Variants in GPATCH2L observed in about 807,000 individuals in gnomAD.
GPATCH2L encodes G-patch domain containing 2 like, also known as G patch domain-containing protein 2-like.
Under a neutral mutation model 57.4 loss-of-function variants are expected in GPATCH2L, and 31 were observed. That is an observed-to-expected ratio of 0.54 (90% CI 0.41 to 0.73). GPATCH2L has a LOEUF of 0.73. GPATCH2L is among the 30% of genes least tolerant of loss of function. GPATCH2L has a pLI of 0.00. For synonymous variants in GPATCH2L, 199 were observed against 210.7 expected, an observed-to-expected ratio of 0.94 and a Z score of 0.48; for missense variants, 481 against 599.9, an observed-to-expected ratio of 0.80 and a Z score of 2.07.
intron 4 of GPATCH2L, 138 bp downstream of exon 4, chr14:76,172,157 GAGGAGTCAAAGTA>G (rs2039115915): frequency 2.0e-6 from 1 of 506,800 alleles, no homozygotes; most frequent in Admixed American, 3.9e-5. Context: ...GGATTTTCTA[GAGGAGTCAAAGTA>G]AGTCTCAAAG....
chr14:76,191,158 G>T (rs1231506443), intron 8 of GPATCH2L, among the ~76,000 whole-genome samples: 2 of 152,032 alleles, frequency 1.3e-5, no homozygotes, highest in Non-Finnish European at 2.9e-5. Flanking sequence ...TTGTGCTTTT[G>T]TCCCTCTTTT....
rs1264806514 is a variant in GPATCH2L, at chr14:76,213,672, G to C, written c.*11821G>C. The stretch of plus-strand genomic sequence containing the variant: ...AGAGCCCCCTCTTCACATTCTCAGG[G>C]GCTCTTGATCCAAAACCTTTTTTAA... On this transcript the variant is annotated 3_prime_UTR_variant, in exon 10 of 10. Coordinates refer to ENST00000261530, the MANE Select transcript of GPATCH2L (RefSeq NM_017926.4). 1.3e-5 allele frequency: 2 copies of C among 152,038 alleles called. No homozygotes were observed. The highest frequency in any genetic ancestry group is 4.8e-5 in the African/African-American group (2 of 41,396). The allele number at this position is 152,038 out of a possible 1,614,324, so 9.4% of individuals were successfully genotyped here. A position where few individuals can be genotyped will look rare whatever the true frequency, so the allele number is the denominator to read the frequency against.
In GPATCH2L at chr14:76,203,230, A is replaced by T. The variant is rs2040337796; in HGVS notation, c.*1379A>T. The T allele has an allele frequency of 6.6e-6, 1 of 152,200 alleles. No homozygotes were observed. Among genetic ancestry groups the T allele is most frequent in the Non-Finnish European group, 1.5e-5 (1 of 68,054 alleles). The allele number at this position is 152,200 out of a possible 1,614,324, so 9.4% of individuals were successfully genotyped here. ...ATCAATGGAAACTCCAGATTTCTTTATCAAAGGGAGGTGGGTGGGCATGAA... is the reference window on the plus strand; with the variant it reads ...ATCAATGGAAACTCCAGATTTCTTTTTCAAAGGGAGGTGGGTGGGCATGAA... On this transcript the variant is annotated 3_prime_UTR_variant, in exon 10 of 10. Coordinates refer to ENST00000261530, the MANE Select transcript of GPATCH2L (RefSeq NM_017926.4).
chr14:76,175,169 T>C (rs894302775), intron 5 of GPATCH2L: 1 of 152,186 alleles, frequency 6.6e-6, no homozygotes, highest in African/African-American at 2.4e-5. Context: ...TCAGCTCTTA[T>C]AAAATAAGAG....
rs2040442431 is a variant in GPATCH2L, at chr14:76,211,734, C to T, written c.*9883C>T. ...CCTTAGCAATCATTGATATTTTAAGCCTACAGGAAGTGCCCATGGGATAAA... is the reference window on the plus strand; with the variant it reads ...CCTTAGCAATCATTGATATTTTAAGTCTACAGGAAGTGCCCATGGGATAAA... On this transcript the variant is annotated 3_prime_UTR_variant, in exon 10 of 10. Transcript: ENST00000261530. The T allele has an allele frequency of 6.6e-6, 1 of 152,144 alleles. No homozygotes were observed. Among genetic ancestry groups the T allele is most frequent in the African/African-American group, 2.4e-5 (1 of 41,418 alleles). 9.4% of individuals were successfully genotyped at this position (152,144 alleles called of 1,614,324 possible). A position where few individuals can be genotyped will look rare whatever the true frequency, so the allele number is the denominator to read the frequency against.
At chr14:76,195,001 T>G (rs772776401) in intron 8 of GPATCH2L, among the ~76,000 whole-genome samples, 151 of 152,206 alleles carry the variant, frequency 9.9e-4, no homozygotes, top group Non-Finnish European at 9.3e-4. Flanking sequence ...CTTGTTTCAT[T>G]AGAGAAGCAA....
intron 1 of GPATCH2L, among the ~76,000 whole-genome samples, chr14:76,229,608 C>T (rs998137809): frequency 2.2e-4 from 33 of 152,110 alleles, no homozygotes; most frequent in Admixed American, 3.3e-4. Context: ...ATGGGCCCTG[C>T]GTAAGTGTCA....
chr14:76,229,988 T>C (rs567500804), intron 2 of GPATCH2L: 2 of 152,360 alleles, frequency 1.3e-5, no homozygotes, highest in East Asian at 1.9e-4. Flanking sequence ...ATGAGAGTTA[T>C]AGTCTATTGC....
intron 8 of GPATCH2L, among the ~76,000 whole-genome samples, chr14:76,189,296 G>A (rs1256066042): frequency 6.6e-6 from 1 of 152,090 alleles, no homozygotes; most frequent in African/African-American, 2.4e-5. Flanking sequence ...GGTTTGGCTA[G>A]TATGGACATT....
At chr14:76,165,547 T>C (rs1368469062) in intron 2 of GPATCH2L, among the ~76,000 whole-genome samples, 2 of 151,400 alleles carry the variant, frequency 1.3e-5, no homozygotes, top group African/African-American at 4.9e-5. Context: ...TGTATACCTG[T>C]GTAACAAACC....
Position 76,154,235 on chromosome 14 carries a change from A to G in GPATCH2L, c.-10-119A>G. 1 of 795,512 alleles carries G rather than the reference A, an allele frequency of 1.3e-6. No homozygotes were observed. The highest frequency in any genetic ancestry group is 2.0e-6 in the Non-Finnish European group (1 of 505,656). 49.3% of individuals were successfully genotyped at this position (795,512 alleles called of 1,614,324 possible). On this transcript the variant is annotated intron_variant, in intron 1 of 9. Transcript: ENST00000261530. This position sits in a 1 kb window ranked among gnomAD's most constrained non-coding sequence, Gnocchi z 4.4. The stretch of plus-strand genomic sequence containing the variant: ...TGACTTATTTTGTTTAGACAGGCAG[A>G]ACTGTGGACTACCATGATCTGTTTC...
At position 76,202,083 on chromosome 14, in the gene GPATCH2L, C is replaced by T; in HGVS notation, c.*232C>T. The T allele has an allele frequency of 2.4e-6, 1 of 411,072 alleles. No homozygotes were observed. Among genetic ancestry groups the T allele is most frequent in the Non-Finnish European group, 4.3e-6 (1 of 230,910 alleles). The allele number at this position is 411,072 out of a possible 1,614,324, so 25.5% of individuals were successfully genotyped here. A position where few individuals can be genotyped will look rare whatever the true frequency, so the allele number is the denominator to read the frequency against. On this transcript the variant is annotated 3_prime_UTR_variant, in exon 10 of 10. Transcript: ENST00000261530. ...AGCAATTTTTTACAAAAAGGTCATCCTCTGCTCTATTTGTTACCTTGTTAT... is the reference window on the plus strand; with the variant it reads ...AGCAATTTTTTACAAAAAGGTCATCTTCTGCTCTATTTGTTACCTTGTTAT...
chr14:76,153,083 G>A (rs1243144905), intron 1 of GPATCH2L: 1 of 284,846 alleles, frequency 3.5e-6, no homozygotes, highest in East Asian at 9.7e-5. Flanking sequence ...TTGGAAGTAG[G>A]TGTCACTATT....
intron 9 of GPATCH2L, 92 bp downstream of exon 9, chr14:76,196,064 A>C: frequency 1.1e-6 from 1 of 951,498 alleles, no homozygotes; most frequent in South Asian, 1.3e-5. Context: ...AATGTTTGTG[A>C]TAGTGTAGGT....
At chr14:76,171,345 C>A (rs866578303) in intron 3 of GPATCH2L, among the ~76,000 whole-genome samples, 1 of 151,468 alleles carries the variant, frequency 6.6e-6, no homozygotes, top group African/African-American at 2.4e-5. Context: ...GAGGCCGAGG[C>A]GGGTGGATCA....
chr14:76,220,851 T>C lies in GPATCH2L; in HGVS notation c.66-8957T>C, dbSNP rs144201295. Among the ~76,000 whole-genome samples, 314 of 152,220 alleles carry C rather than the reference T, an allele frequency of 2.1e-3. 2 individuals carry two copies. In the East Asian group the frequency reaches 0.024, roughly 11 times the overall value. ...TTCTAAATTATTGATAGTTCAAAAA[T>C]AAATTGCAGTAGATGTTAGACAATA... On this transcript the variant is annotated intron_variant and NMD_transcript_variant, in intron 1 of 3. Transcript: ENST00000556372.
At chr14:76,201,460 A>G (rs1394495142) in intron 9 of GPATCH2L, among the ~76,000 whole-genome samples, 1 of 152,160 alleles carries the variant, frequency 6.6e-6, no homozygotes, top group African/African-American at 2.4e-5. Context: ...TACTGAATTT[A>G]TTTGTTCAGT....
At chr14:76,227,599 C>G (rs1357110650) in intron 1 of GPATCH2L, among the ~76,000 whole-genome samples, 2 of 152,220 alleles carry the variant, frequency 1.3e-5, no homozygotes, top group African/African-American at 2.4e-5. Flanking sequence ...AATTGCGTAA[C>G]ACGAAATGAA....
rs183056082 is a variant in GPATCH2L, at chr14:76,209,725, G to A, written c.*7874G>A. 27 of 152,220 alleles carry A rather than the reference G, an allele frequency of 1.8e-4. No homozygotes were observed. The highest frequency in any genetic ancestry group is 6.5e-4 in the African/African-American group (27 of 41,534). 9.4% of individuals were successfully genotyped at this position (152,220 alleles called of 1,614,324 possible). ...TTTTTATCAAAGAACTTTTTATTGG[G>A]GCATCAGCACTAGCCCTATGAATAC... On this transcript the variant is annotated 3_prime_UTR_variant, in exon 10 of 10. Transcript: ENST00000261530.
Sources: gnomAD v4.1 joint callset for allele counts (sites outside exome capture counted in the v4.1 genomes callset) on GRCh38, gnomAD v4.1.1 for gene constraint, Gnocchi (gnomAD v3.1) non-coding constraint, MANE v1.5 for transcripts, NCBI Gene and HGNC (gene_info 2026-07-23, HGNC 2026-07-21) for gene names.